The following LEPR variants were observed in gnomAD, a reference collection of about 807,000 sequenced individuals.
LEPR encodes OB receptor.
LEPR carries 56 observed loss-of-function variants against 114.7 expected under a neutral mutation model. That is an observed-to-expected ratio of 0.49 (90% CI 0.39 to 0.61). The LOEUF (loss-of-function observed/expected upper bound fraction) is 0.61, where lower values mean the gene tolerates loss of function less well. Among genes scored for constraint, LEPR ranks in the 20% least tolerant of loss-of-function variants. The pLI is 0.00. For synonymous variants in LEPR, 443 were observed against 461.4 expected (o/e 0.96, Z 0.51); for missense variants, 1,202 against 1,352.9 (o/e 0.89, Z 1.75).
At chr1:65,602,633 A>G (rs1356110001) in intron 10 of LEPR, among the ~76,000 whole-genome samples, 2 of 152,080 alleles carry the variant, frequency 1.3e-5, no homozygotes, top group Non-Finnish European at 2.9e-5. Context: ...TCAAGTAAAT[A>G]TATACTGCTG....
chr1:65,592,388 G>A (rs189208006), intron 5 of LEPR, among the ~76,000 whole-genome samples: 104 of 150,458 alleles, frequency 6.9e-4, no homozygotes, highest in African/African-American at 2.5e-3. Context: ...AGCTGTTTTC[G>A]CTGGGTATAG....
chr1:65,440,902 T>C (rs2100280152), intron 2 of LEPR, among the ~76,000 whole-genome samples: 1 of 152,370 alleles, frequency 6.6e-6, no homozygotes, highest in Non-Finnish European at 1.5e-5. Flanking sequence ...AAATCAATCA[T>C]GTTTATGTCT....
At position 65,435,989 on chromosome 1, in the gene LEPR, C is replaced by G. The variant is rs571795866; in HGVS notation, c.-21+10611C>G. Reference sequence around the variant, plus strand: ...GAGGACGATTACTTTGTAAATAAAACTTGTTATTGACATTTTAACAAAGGC... The same window carrying G: ...GAGGACGATTACTTTGTAAATAAAAGTTGTTATTGACATTTTAACAAAGGC... On this transcript the variant is annotated intron_variant, in intron 2 of 19. Transcript: ENST00000349533. 1.9e-3 allele frequency: 1,853 copies of G among 983,990 alleles called. 3 individuals are homozygous for G. The highest frequency in any genetic ancestry group is 2.1e-3 in the Non-Finnish European group (1,738 of 828,768). 61.0% of individuals were successfully genotyped at this position (983,990 alleles called of 1,614,324 possible).
At chr1:65,476,016 TAAAAC>T (rs997904831) in intron 2 of LEPR, among the ~76,000 whole-genome samples, 2 of 151,316 alleles carry the variant, frequency 1.3e-5, no homozygotes, top group African/African-American at 4.9e-5. Flanking sequence ...GACCCTGTGT[TAAAAC>T]AAACAAAACA....
chr1:65,590,413 T>A (rs1339495606), intron 5 of LEPR, among the ~76,000 whole-genome samples: 2 of 151,018 alleles, frequency 1.3e-5, no homozygotes, highest in African/African-American at 4.9e-5. Context: ...GTTCCCATAA[T>A]CCCCAAGTGT....
At chr1:65,486,473 A>G (rs1647490886) in intron 2 of LEPR, 1 of 152,192 alleles carries the variant, frequency 6.6e-6, no homozygotes, top group Admixed American at 6.5e-5. Context: ...TGTGAGCTCC[A>G]TGTGGTGAAG....
At chr1:65,600,021 C>T (rs1021617046) in intron 8 of LEPR, among the ~76,000 whole-genome samples, 6 of 151,904 alleles carry the variant, frequency 3.9e-5, no homozygotes, top group South Asian at 2.1e-4. Flanking sequence ...TCAGTTAAGC[C>T]TTACTATATG....
At chr1:65,426,495 A>C (rs1646373560) in intron 2 of LEPR, among the ~76,000 whole-genome samples, 2 of 152,100 alleles carry the variant, frequency 1.3e-5, no homozygotes, top group African/African-American at 4.8e-5. Flanking sequence ...GATAGGAAAG[A>C]GCTGAGACTG....
At position 65,592,863 on chromosome 1, in the gene LEPR, T is replaced by G; in HGVS notation, c.701T>G (p.Met234Arg). Reference protein sequence around the residue: ...SPLMSVQPINMVKPDPPLGLH... With the variant: ...SPLMSVQPINRVKPDPPLGLH... ...CTAATGTCAGTTCAGCCCATAAATA[T>G]GGGTAAGTTATGCACTAAAATGATG... Residue 234 changes from methionine to arginine, a missense_variant and splice_region_variant, in exon 6 of 20, where the codon ATG becomes AGG. Transcript: ENST00000349533. The G allele has an allele frequency of 6.2e-7, 1 of 1,612,890 alleles. No homozygotes were observed. Among genetic ancestry groups the G allele is most frequent in the Non-Finnish European group, 8.5e-7 (1 of 1,179,154 alleles).
intron 2 of LEPR, among the ~76,000 whole-genome samples, chr1:65,445,216 G>C (rs1386827544): frequency 1.3e-5 from 2 of 152,202 alleles, no homozygotes; most frequent in African/African-American, 4.8e-5. Context: ...GGCAGCACAA[G>C]TCAAAAAGCC....
At chr1:65,445,173 C>T (rs1646698074) in intron 2 of LEPR, among the ~76,000 whole-genome samples, 1 of 152,164 alleles carries the variant, frequency 6.6e-6, no homozygotes, top group African/African-American at 2.4e-5. Context: ...TTATCTATGG[C>T]TGAAAACTGA....
intron 2 of LEPR, among the ~76,000 whole-genome samples, chr1:65,456,523 AT>A (rs767675356): frequency 1.3e-5 from 2 of 152,084 alleles, no homozygotes; most frequent in African/African-American, 2.4e-5. Flanking sequence ...TAAGGATTGT[AT>A]ATCTTCTTAG....
At chr1:65,498,652 G>T (rs1373695864) in intron 2 of LEPR, among the ~76,000 whole-genome samples, 2 of 152,008 alleles carry the variant, frequency 1.3e-5, no homozygotes. Flanking sequence ...CATTTATTTG[G>T]TCCTTGTTCC....
chr1:65,436,569 A>T (rs1646565753), intron 2 of LEPR, among the ~76,000 whole-genome samples: 1 of 152,242 alleles, frequency 6.6e-6, no homozygotes. Flanking sequence ...TAAAATGGCC[A>T]TAAGAAAAGT....
intron 12 of LEPR, 89 bp downstream of exon 12, chr1:65,608,990 G>T: frequency 6.6e-7 from 1 of 1,515,750 alleles, no homozygotes. Context: ...AATTTTATTG[G>T]CATAAAAGTA....
At chr1:65,456,208 G>T (rs1396396431) in intron 2 of LEPR, among the ~76,000 whole-genome samples, 1 of 152,004 alleles carries the variant, frequency 6.6e-6, no homozygotes, top group Non-Finnish European at 1.5e-5. Flanking sequence ...GATGAACCTG[G>T]TACCTCAGAT....
intron 2 of LEPR, among the ~76,000 whole-genome samples, chr1:65,545,205 A>G (rs1169264548): frequency 3.4e-5 from 5 of 145,912 alleles, no homozygotes; most frequent in Admixed American, 1.4e-4. Context: ...CCAGTCTATC[A>G]TTGTTGGACA....
At chr1:65,565,723 C>A in intron 3 of LEPR, 118 bp downstream of exon 3, 2 of 1,291,546 alleles carry the variant, frequency 1.5e-6, no homozygotes, top group South Asian at 1.2e-5. Context: ...TAGGAATTCT[C>A]ATACATGCTT....
At chr1:65,607,014 C>T (rs1656857633) in intron 11 of LEPR, among the ~76,000 whole-genome samples, 1 of 152,106 alleles carries the variant, frequency 6.6e-6, no homozygotes, top group Non-Finnish European at 1.5e-5. Context: ...ATAATAAACA[C>T]CCATATTGTG....
Sources: allele counts gnomAD v4.1 joint callset (sites outside exome capture counted in the v4.1 genomes callset), GRCh38; gene constraint gnomAD v4.1.1; transcripts MANE v1.5; gene names NCBI Gene and HGNC (gene_info 2026-07-23, HGNC 2026-07-21).